The following WWC2 variants were observed in gnomAD, a reference collection of about 807,000 sequenced individuals.
The protein encoded by WWC2 is protein WWC2.
A neutral mutation model predicts 138.5 loss-of-function variants in WWC2; 101 were observed. That is an observed-to-expected ratio of 0.73 (90% CI 0.62 to 0.86). The LOEUF (loss-of-function observed/expected upper bound fraction) is 0.86, where lower values mean the gene tolerates loss of function less well. WWC2 is among the 40% of genes least tolerant of loss of function. The pLI, the probability that WWC2 is intolerant of heterozygous loss-of-function variation, is 0.00. For missense variants in WWC2, 1,420 were observed against 1,419.4 expected (o/e 1.00, Z -0.01); for synonymous variants, 558 against 538.4 (o/e 1.04, Z -0.50).
At chr4:183,238,051 A>T (rs1439253891) in intron 4 of WWC2, among the ~76,000 whole-genome samples, 1 of 152,102 alleles carries the variant, frequency 6.6e-6, no homozygotes. Context: ...TATGCCAGTG[A>T]CTCTCAATTA....
At chr4:183,135,479 G>A (rs957107853) in intron 1 of WWC2, among the ~76,000 whole-genome samples, 3 of 151,672 alleles carry the variant, frequency 2.0e-5, no homozygotes, top group South Asian at 2.1e-4. Flanking sequence ...AGGACAAGTC[G>A]AGAACCTTGT....
At chr4:183,156,958 A>G (rs1050468286) in intron 1 of WWC2, among the ~76,000 whole-genome samples, 1 of 152,098 alleles carries the variant, frequency 6.6e-6, no homozygotes, top group African/African-American at 2.4e-5. Flanking sequence ...TTTTGTTCTG[A>G]ACTGTGTTAG....
chr4:183,310,644 G>T (rs1268885835), intron 21 of WWC2, among the ~76,000 whole-genome samples: 1 of 148,796 alleles, frequency 6.7e-6, no homozygotes, highest in Non-Finnish European at 1.5e-5. Context: ...GGGACCACAG[G>T]CACATGCCAC....
chr4:183,272,320 A>G (rs1194266891), intron 16 of WWC2, among the ~76,000 whole-genome samples: 1 of 152,230 alleles, frequency 6.6e-6, no homozygotes, highest in Admixed American at 6.5e-5. Context: ...ACACTGAACA[A>G]CACATACAAA....
At chr4:183,115,037 T>A (rs1467557686) in intron 1 of WWC2, among the ~76,000 whole-genome samples, 1 of 152,138 alleles carries the variant, frequency 6.6e-6, no homozygotes, top group African/African-American at 2.4e-5. Context: ...CCTTCCACTC[T>A]CAAATAGGCT....
At chr4:183,122,081 A>G (rs566386599) in intron 1 of WWC2, among the ~76,000 whole-genome samples, 11 of 152,172 alleles carry the variant, frequency 7.2e-5, no homozygotes, top group Middle Eastern at 3.4e-3. Flanking sequence ...CACCACGCCC[A>G]GCCAAGAAGC....
At chr4:183,262,795 T>C (rs990084725) in intron 11 of WWC2, among the ~76,000 whole-genome samples, 18 of 152,094 alleles carry the variant, frequency 1.2e-4, no homozygotes, top group African/African-American at 2.9e-4. Flanking sequence ...TGCGTGCGTG[T>C]GTGTGTGTGT....
At chr4:183,220,019 G>A (rs1463000178) in intron 4 of WWC2, among the ~76,000 whole-genome samples, 1 of 152,186 alleles carries the variant, frequency 6.6e-6, no homozygotes, top group Non-Finnish European at 1.5e-5. Flanking sequence ...GACATTAGAT[G>A]TCAAAGCATA....
In WWC2 at chr4:183,188,594, A is replaced by ATC. The variant is rs894981679; in HGVS notation, c.132-4993_132-4992dup. On this transcript the variant is annotated intron_variant, in intron 1 of 22. Coordinates refer to ENST00000403733, the MANE Select transcript of WWC2 (RefSeq NM_024949.6). The stretch of plus-strand genomic sequence containing the variant: ...TTTTCTAGAAATTCTATCTAATATG[A>ATC]TCTCTCTCTCTCTATCTAATATGAT... Among the ~76,000 whole-genome samples the ATC allele has an allele frequency of 2.9e-4, 42 of 142,874 alleles. 1 individual carries two copies. The highest frequency in any genetic ancestry group is 9.0e-4 in the Admixed American group (13 of 14,374). The allele number at this position is 142,874 out of a possible 152,430, so 93.7% of individuals were successfully genotyped here. A position where few individuals can be genotyped will look rare whatever the true frequency, so the allele number is the denominator to read the frequency against.
chr4:183,143,353 G>C (rs1733359901), intron 1 of WWC2, among the ~76,000 whole-genome samples: 1 of 152,062 alleles, frequency 6.6e-6, no homozygotes, highest in Non-Finnish European at 1.5e-5. Context: ...CTTCTCAACA[G>C]CTTCTGCAGT....
At chr4:183,143,046 A>G (rs73872926) in intron 1 of WWC2, among the ~76,000 whole-genome samples, 4,558 of 152,318 alleles carry the variant, frequency 0.03, 237 homozygotes, top group African/African-American at 0.1. Flanking sequence ...AGGTGTAGCA[A>G]CAAGCACTGT....
At chr4:183,147,681 C>G (rs551606950) in intron 1 of WWC2, among the ~76,000 whole-genome samples, 1 of 152,302 alleles carries the variant, frequency 6.6e-6, no homozygotes, top group South Asian at 2.1e-4. Flanking sequence ...ACAGAACTTT[C>G]TGGCCTTTTT....
At chr4:183,259,265 G>C (rs1015990812) in intron 9 of WWC2, among the ~76,000 whole-genome samples, 2 of 152,160 alleles carry the variant, frequency 1.3e-5, no homozygotes, top group Admixed American at 6.5e-5. Context: ...TTAGGAAAGG[G>C]TTCCCAGGTC....
chr4:183,300,705 C>G (rs1580165008), intron 21 of WWC2, among the ~76,000 whole-genome samples: 1 of 150,724 alleles, frequency 6.6e-6, no homozygotes, highest in Non-Finnish European at 1.5e-5. Flanking sequence ...AAAGTATATT[C>G]TTACTCAGCA....
At chr4:183,181,615 A>G (rs1734635162) in intron 1 of WWC2, among the ~76,000 whole-genome samples, 1 of 151,432 alleles carries the variant, frequency 6.6e-6, no homozygotes, top group South Asian at 2.1e-4. Flanking sequence ...GTAAGGATAC[A>G]GTATATAATA....
intron 21 of WWC2, among the ~76,000 whole-genome samples, chr4:183,295,529 C>T (rs28593573): frequency 0.27 from 40,924 of 152,102 alleles, 5,936 homozygotes; most frequent in Middle Eastern, 0.43. Context: ...ACCCTTGGTC[C>T]AGCTGTGCCT....
chr4:183,164,657 G>A (rs1734084409), intron 1 of WWC2, among the ~76,000 whole-genome samples: 1 of 151,986 alleles, frequency 6.6e-6, no homozygotes, highest in Non-Finnish European at 1.5e-5. Flanking sequence ...GTGGGTATGG[G>A]TCCTGGAATG....
chr4:183,108,737 A>G (rs999491221), intron 1 of WWC2, among the ~76,000 whole-genome samples: 1 of 151,844 alleles, frequency 6.6e-6, no homozygotes, highest in Non-Finnish European at 1.5e-5. Flanking sequence ...CAGCCTCCCC[A>G]GTAGCTGGGA....
intron 1 of WWC2, among the ~76,000 whole-genome samples, chr4:183,186,917 CAT>C (rs905398768): frequency 7.9e-5 from 12 of 152,144 alleles, no homozygotes; most frequent in Non-Finnish European, 1.6e-4. Flanking sequence ...GCAGACATAA[CAT>C]GAACTAATCT....
Sources: gnomAD v4.1 joint callset for allele counts (sites outside exome capture counted in the v4.1 genomes callset) on GRCh38, gnomAD v4.1.1 for gene constraint, MANE v1.5 for transcripts, NCBI Gene and HGNC (gene_info 2026-07-23, HGNC 2026-07-21) for gene names.